Variants in EPM2A observed in about 807,000 individuals in gnomAD.
EPM2A encodes laforin.
Under a neutral mutation model 26.5 loss-of-function variants are expected in EPM2A, and 21 were observed. The ratio of observed to expected loss-of-function variants is 0.79; its 90% CI spans 0.56 to 1.14. The LOEUF (loss-of-function observed/expected upper bound fraction) is 1.14. EPM2A is among the 50% of genes most tolerant of loss of function. The probability of loss-of-function intolerance (pLI) is 0.00; values close to 1 mark genes in which losing one functional copy is unlikely to be tolerated. For missense variants in EPM2A, 458 were observed against 440.8 expected, an observed-to-expected ratio of 1.04 and a Z score of -0.35; for synonymous variants, 217 against 177.6, an observed-to-expected ratio of 1.22 and a Z score of -1.76.
intron 2 of EPM2A, among the ~76,000 whole-genome samples, chr6:145,547,117 T>C (rs573346122): frequency 1.5e-3 from 222 of 152,262 alleles, no homozygotes; most frequent in Admixed American, 2.3e-3. Flanking sequence ...CTGGACTTGC[T>C]GACAGCTATA....
At chr6:145,642,889 C>A (rs1413818723) in intron 2 of EPM2A, among the ~76,000 whole-genome samples, 4 of 152,088 alleles carry the variant, frequency 2.6e-5, no homozygotes, top group Admixed American at 1.3e-4. Context: ...AATATAAAAG[C>A]AATGAAAAAC....
At chr6:145,709,114 T>C (rs866325355) in intron 1 of EPM2A, among the ~76,000 whole-genome samples, 3 of 152,350 alleles carry the variant, frequency 2.0e-5, no homozygotes, top group Middle Eastern at 6.8e-3. Context: ...TTGCTTTTGA[T>C]TTGATAGGCT....
chr6:145,397,915 C>G (rs1778428122), intron 4 of EPM2A, among the ~76,000 whole-genome samples: 1 of 152,168 alleles, frequency 6.6e-6, no homozygotes, highest in African/African-American at 2.4e-5. Flanking sequence ...AACTTCATAA[C>G]ACTCTGAACC....
chr6:145,546,538 C>G lies in EPM2A; in HGVS notation c.341-43963G>C, dbSNP rs1047055838. On this transcript the variant is annotated intron_variant, in intron 2 of 3. Coordinates refer to the EPM2A transcript ENST00000450221. ...GCTCTCTGGGTATCCCTTCACCAGT[C>G]AAGTTGACACCTAAAATTAACCATC... Among the ~76,000 whole-genome samples the G allele has an allele frequency of 1.3e-4, 20 of 152,086 alleles. No homozygotes were observed. In the East Asian group the frequency reaches 2.9e-3, roughly 22 times the overall value.
chr6:145,641,791 T>G (rs1342687600), intron 2 of EPM2A, among the ~76,000 whole-genome samples: 3 of 152,070 alleles, frequency 2.0e-5, no homozygotes, highest in African/African-American at 2.4e-5. Flanking sequence ...ACCTCTCACA[T>G]GAGGGAAAAG....
intron 4 of EPM2A, among the ~76,000 whole-genome samples, chr6:145,428,860 T>C (rs1413610750): frequency 6.6e-6 from 1 of 152,218 alleles, no homozygotes; most frequent in Non-Finnish European, 1.5e-5. Flanking sequence ...TTCTTTGCTT[T>C]GGCACTTATC....
intron 4 of EPM2A, chr6:145,491,922 C>T: frequency 2.1e-6 from 1 of 473,544 alleles, no homozygotes; most frequent in Admixed American, 2.4e-5. Flanking sequence ...TATAGAAGAA[C>T]TTACTGCAAG....
At position 145,626,448 on chromosome 6, in the gene EPM2A, A is replaced by G; in HGVS notation, c.*968T>C. 1.5e-5 allele frequency: 15 copies of G among 985,950 alleles called. No homozygotes were observed. The highest frequency in any genetic ancestry group is 5.2e-5 in the African/African-American group (3 of 57,374). 61.1% of individuals were successfully genotyped at this position (985,950 alleles called of 1,614,324 possible). A position where few individuals can be genotyped will look rare whatever the true frequency, so the allele number is the denominator to read the frequency against. ...TTAAAACAGCCCATCATGTTTTTAA[A>G]TTAGCTTGCACAAAATACAACTAAT... On this transcript the variant is annotated 3_prime_UTR_variant, in exon 4 of 4. Coordinates refer to ENST00000367519, the MANE Select transcript of EPM2A (RefSeq NM_005670.4).
At chr6:145,521,381 CT>C (rs1780200072) in intron 2 of EPM2A, among the ~76,000 whole-genome samples, 1 of 152,008 alleles carries the variant, frequency 6.6e-6, no homozygotes, top group Non-Finnish European at 1.5e-5. Context: ...GAAATCTTGC[CT>C]GATTACCAGG....
intron 1 of EPM2A, among the ~76,000 whole-genome samples, chr6:145,688,383 T>G (rs1263724670): frequency 6.6e-6 from 1 of 152,046 alleles, no homozygotes; most frequent in East Asian, 1.9e-4. Context: ...AAGGTGAAGA[T>G]GAAAGGGGAT....
chr6:145,404,345 G>A (rs1778537497), intron 4 of EPM2A, among the ~76,000 whole-genome samples: 1 of 151,664 alleles, frequency 6.6e-6, no homozygotes, highest in Non-Finnish European at 1.5e-5. Context: ...CATTTTAAAT[G>A]TTTTTATTTT....
intron 2 of EPM2A, among the ~76,000 whole-genome samples, chr6:145,545,406 C>T (rs1388209392): frequency 6.6e-6 from 1 of 152,126 alleles, no homozygotes; most frequent in African/African-American, 2.4e-5. Flanking sequence ...ACTAACATTC[C>T]GTTGGCCAAG....
chr6:145,482,235 C>A (rs1779618574), intron 4 of EPM2A, among the ~76,000 whole-genome samples: 1 of 152,074 alleles, frequency 6.6e-6, no homozygotes, highest in Admixed American at 6.5e-5. Flanking sequence ...TAAATTATAT[C>A]GTTAGTTAAC....
intron 2 of EPM2A, among the ~76,000 whole-genome samples, chr6:145,528,672 A>G (rs1582826737): frequency 6.6e-6 from 1 of 152,252 alleles, no homozygotes; most frequent in East Asian, 1.9e-4. Flanking sequence ...GAGCTATACA[A>G]GAAGATTATT....
At chr6:145,507,797 C>T (rs1218359231) in intron 2 of EPM2A, among the ~76,000 whole-genome samples, 1 of 152,122 alleles carries the variant, frequency 6.6e-6, no homozygotes, top group African/African-American at 2.4e-5. Flanking sequence ...CACCACAAGA[C>T]CAGTATGGGA....
chr6:145,631,887 A>T (rs1776287677), intron 3 of EPM2A: 2 of 152,234 alleles, frequency 1.3e-5, no homozygotes, highest in Non-Finnish European at 2.9e-5. Context: ...ACACACACAC[A>T]CACACACACA....
intron 2 of EPM2A, among the ~76,000 whole-genome samples, chr6:145,508,518 A>G (rs975123511): frequency 2.0e-5 from 3 of 152,358 alleles, no homozygotes; most frequent in Non-Finnish European, 2.9e-5. Flanking sequence ...AACAAGGCAA[A>G]TCAATGATAC....
At position 145,468,876 on chromosome 6, in the gene EPM2A, G is replaced by A. The variant is rs1420900346; in HGVS notation, c.555+33646C>T. On this transcript the variant is annotated intron_variant, in intron 4 of 4. Transcript: ENST00000638717. Reference sequence around the variant, plus strand: ...ACCCACAGAATGGTAGAAAATATTTGCTAACTATCCATCTGACAAGAGATT... The same window carrying A: ...ACCCACAGAATGGTAGAAAATATTTACTAACTATCCATCTGACAAGAGATT... Among the ~76,000 whole-genome samples, 5 of 152,198 alleles carry A rather than the reference G, an allele frequency of 3.3e-5. No homozygotes were observed. In the East Asian group the frequency reaches 5.8e-4, roughly 18 times the overall value.
At position 145,626,397 on chromosome 6, in the gene EPM2A, TC is replaced by T; in HGVS notation, c.*1018del. ...ATTTGGGCTCTTTTGGTAGTATAGT[TC>T]CTCTCATGAATTTCCACTCTGGTCT... On this transcript the variant is annotated 3_prime_UTR_variant, in exon 4 of 4. Transcript: ENST00000367519. 1.0e-6 allele frequency: 1 copy of T among 985,948 alleles called. No individual in the cohort carries two copies. The highest frequency in any genetic ancestry group is 1.7e-5 in the African/African-American group (1 of 57,358). The allele number at this position is 985,948 out of a possible 1,614,324, so 61.1% of individuals were successfully genotyped here. A position where few individuals can be genotyped will look rare whatever the true frequency, so the allele number is the denominator to read the frequency against.
Sources: allele counts gnomAD v4.1 joint callset (sites outside exome capture counted in the v4.1 genomes callset), GRCh38; gene constraint gnomAD v4.1.1; transcripts MANE v1.5; gene names NCBI Gene and HGNC (gene_info 2026-07-23, HGNC 2026-07-21).